The following SPATA18 variants were observed in gnomAD, a reference collection of about 807,000 sequenced individuals.
SPATA18 encodes spermatogenesis associated 18.
In SPATA18, 54 loss-of-function variants were observed where a neutral mutation model predicts 68.1. The ratio of observed to expected loss-of-function variants is 0.79; its 90% CI spans 0.64 to 0.99. The LOEUF (loss-of-function observed/expected upper bound fraction) is 0.99, where lower values mean the gene tolerates loss of function less well. Among genes scored for constraint, SPATA18 ranks in the 50% least tolerant of loss-of-function variants. The pLI is 0.00. For missense variants in SPATA18, 724 were observed against 681.1 expected (o/e 1.06, Z -0.70); for synonymous variants, 242 against 244.8 (o/e 0.99, Z 0.11).
At chr4:52,081,851 A>G (rs71595675) in intron 9 of SPATA18, among the ~76,000 whole-genome samples, 1,823 of 63,974 alleles carry the variant, frequency 0.028, 17 homozygotes, top group Non-Finnish European at 0.052. Context: ...AACCACCTGC[A>G]TCTTTGAGCA....
In SPATA18 at chr4:52,059,343, C is replaced by T. The variant is rs535135216; in HGVS notation, c.88-1076C>T. 2.0e-5 allele frequency among the ~76,000 whole-genome samples: 3 copies of T among 152,268 alleles called. No individual in the cohort carries two copies. The East Asian group carries it at 5.8e-4, about 29-fold the overall frequency. On this transcript the variant is annotated intron_variant, in intron 1 of 12. Transcript: ENST00000295213. ...TTGAGCCCTGAGGTGACACATAAAT[C>T]GATGCATTTTTACAACCACATGATG...
intron 11 of SPATA18, among the ~76,000 whole-genome samples, chr4:52,087,196 A>G (rs1741511863): frequency 6.6e-6 from 1 of 151,972 alleles, no homozygotes; most frequent in African/African-American, 2.4e-5. Context: ...GACTGCAAAT[A>G]TTTTCTCCCA....
At chr4:52,074,898 T>C (rs1740199778) in intron 6 of SPATA18, among the ~76,000 whole-genome samples, 1 of 152,122 alleles carries the variant, frequency 6.6e-6, no homozygotes, top group South Asian at 2.1e-4. Flanking sequence ...GCAATTAGAT[T>C]TACCCAAGGC....
rs1482099095 is a variant in SPATA18 at position 52,086,885 on chromosome 4, G to A, written c.1563+1886G>A. On this transcript the variant is annotated intron_variant, in intron 11 of 12. Transcript: ENST00000295213. ...GAACTAATTTACACTCTCACCAACAGTGTAAAAGCATTCCTATTTTTCCAC... is the reference window on the plus strand; with the variant it reads ...GAACTAATTTACACTCTCACCAACAATGTAAAAGCATTCCTATTTTTCCAC... Among the ~76,000 whole-genome samples the A allele has an allele frequency of 2.0e-5, 3 of 152,178 alleles. No individual in the cohort carries two copies. The East Asian group carries it at 5.8e-4, about 29-fold the overall frequency.
intron 4 of SPATA18, among the ~76,000 whole-genome samples, chr4:52,068,908 G>T (rs1459424529): frequency 6.6e-6 from 1 of 152,022 alleles, no homozygotes. Flanking sequence ...TTGTCACCCA[G>T]GCTGAAGTGC....
At position 52,072,115 on chromosome 4, in the gene SPATA18, G is replaced by A. The variant is rs1051926894; in HGVS notation, c.717G>A (p.Glu239=). The change falls in exon 6 of 13, where the codon GAG becomes GAA. Residue 239 remains glutamate (E), a synonymous_variant. Coordinates refer to ENST00000295213, the MANE Select transcript of SPATA18 (RefSeq NM_145263.4). The stretch of plus-strand genomic sequence containing the variant: ...AACAGCTCCGAAACCTGAAGGAGGA[G>A]ATAGCTGTTCTGTCTGCTGAGAAAA... ...YKKQLRNLKE[E]IAVLSAEKSA... 1.2e-6 allele frequency: 2 copies of A among 1,614,096 alleles called. No homozygotes were observed. The highest frequency in any genetic ancestry group is 3.3e-5 in the Admixed American group (2 of 60,008).
chr4:52,073,056 C>T (rs1345127679), intron 6 of SPATA18, among the ~76,000 whole-genome samples: 1 of 152,156 alleles, frequency 6.6e-6, no homozygotes, highest in South Asian at 2.1e-4. Flanking sequence ...ATGTGTTCTG[C>T]TCCAGGCTAT....
chr4:52,070,880 T>TG (rs34959256), intron 5 of SPATA18, among the ~76,000 whole-genome samples: 7,312 of 143,726 alleles, frequency 0.051, 178 homozygotes, highest in African/African-American at 0.058. Context: ...AAAGAGTAAG[T>TG]GGGGGGGGGG....
chr4:52,062,257 C>T lies in SPATA18; in HGVS notation c.347C>T (p.Pro116Leu). 6.2e-7 allele frequency: 1 copy of T among 1,604,482 alleles called. No individual in the cohort carries two copies. Among genetic ancestry groups the T allele is most frequent in the Non-Finnish European group, 8.5e-7 (1 of 1,175,550 alleles). The change falls in exon 4 of 13, where the codon CCT becomes CTT. Residue 116 changes from proline (P) to leucine (L), a missense_variant. Transcript: ENST00000295213. The part of the protein sequence containing the change: ...FDRERHKDPS[P>L]RDRDMQQLDS... The stretch of plus-strand genomic sequence containing the variant: ...AGGGAGAGACATAAAGATCCCAGTC[C>T]TCGGGATCGGGATATGCAACAGTTA...
chr4:52,072,701 C>T (rs190087145), intron 6 of SPATA18, among the ~76,000 whole-genome samples: 50 of 152,254 alleles, frequency 3.3e-4, no homozygotes, highest in Middle Eastern at 3.4e-3. Flanking sequence ...CCACCACGCC[C>T]GGCTATAAGG....
At chr4:52,091,961 G>A (rs1742000191) in intron 11 of SPATA18, among the ~76,000 whole-genome samples, 1 of 152,188 alleles carries the variant, frequency 6.6e-6, no homozygotes, top group Non-Finnish European at 1.5e-5. Context: ...GCTGCAGTGT[G>A]CTCCACCCAA....
intron 1 of SPATA18, among the ~76,000 whole-genome samples, chr4:52,052,292 G>C (rs2109394249): frequency 6.6e-6 from 1 of 152,278 alleles, no homozygotes; most frequent in East Asian, 1.9e-4. Context: ...TCAGCGAAAC[G>C]GACACTTGTT....
At chr4:52,094,008 CTAGAGTGT>C (rs1345571234) in intron 11 of SPATA18, among the ~76,000 whole-genome samples, 1 of 152,152 alleles carries the variant, frequency 6.6e-6, no homozygotes, top group Non-Finnish European at 1.5e-5. Flanking sequence ...ATCTATTTAT[CTAGAGTGT>C]TTGAAAGCTC....
At chr4:52,064,697 T>A (rs1030248396) in intron 4 of SPATA18, among the ~76,000 whole-genome samples, 2 of 152,226 alleles carry the variant, frequency 1.3e-5, no homozygotes, top group South Asian at 2.1e-4. Flanking sequence ...CTTAGGTTGG[T>A]TCCATATCTC....
rs529514276 is a variant in SPATA18 at position 52,086,375 on chromosome 4, C to T, written c.1563+1376C>T. On this transcript the variant is annotated intron_variant, in intron 11 of 12. Coordinates refer to ENST00000295213, the MANE Select transcript of SPATA18 (RefSeq NM_145263.4). ...GATGCACCCATCAACCAATCGCCTA[C>T]ATTAGGTATTTCCCCTAATGTTATC... Among the ~76,000 whole-genome samples the T allele has an allele frequency of 2.0e-3, 307 of 152,286 alleles. 1 individual carries two copies. The highest frequency in any genetic ancestry group is 7.0e-3 in the African/African-American group (293 of 41,562).
At chr4:52,055,110 T>C (rs1338014708) in intron 1 of SPATA18, among the ~76,000 whole-genome samples, 1 of 152,202 alleles carries the variant, frequency 6.6e-6, no homozygotes. Context: ...TCTTAGCCCA[T>C]ATTTGTGTGA....
Position 52,082,374 on chromosome 4 carries a change from A to G in SPATA18, c.1356-13A>G, listed in dbSNP as rs993075194. 8.1e-6 allele frequency: 13 copies of G among 1,608,906 alleles called. No individual in the cohort carries two copies. Among genetic ancestry groups the G allele is most frequent in the East Asian group, 2.2e-5 (1 of 44,834 alleles). On this transcript the variant is annotated splice_polypyrimidine_tract_variant and intron_variant, in intron 9 of 12. Coordinates refer to ENST00000295213, the MANE Select transcript of SPATA18 (RefSeq NM_145263.4). ...GCTTAACTTCTCTTTCTTTTTTTGT[A>G]TATTGAAAACAGATACCGCCGCAGC... is the stretch of plus-strand genomic sequence containing the variant.
chr4:52,074,706 A>G (rs1740170169), intron 6 of SPATA18, among the ~76,000 whole-genome samples: 1 of 152,202 alleles, frequency 6.6e-6, no homozygotes, highest in Non-Finnish European at 1.5e-5. Context: ...CCACAGGAGT[A>G]CCATTATAAC....
At chr4:52,077,734 T>C (rs1344679899) in intron 7 of SPATA18, among the ~76,000 whole-genome samples, 4 of 152,206 alleles carry the variant, frequency 2.6e-5, no homozygotes, top group Non-Finnish European at 5.9e-5. Context: ...ATTGTATTAA[T>C]GCTTCTGTTT....
Sources: allele counts gnomAD v4.1 joint callset (sites outside exome capture counted in the v4.1 genomes callset), GRCh38; gene constraint gnomAD v4.1.1; transcripts MANE v1.5; gene names NCBI Gene and HGNC (gene_info 2026-07-23, HGNC 2026-07-21).